Variants in CNBD1 observed in about 807,000 individuals in gnomAD.
CNBD1 encodes cyclic nucleotide binding domain containing 1, also known as cyclic nucleotide-binding domain-containing protein 1.
Under a neutral mutation model 54.4 loss-of-function variants are expected in CNBD1, and 71 were observed. The ratio of observed to expected loss-of-function variants is 1.30; its 90% confidence interval spans 1.08 to 1.59. The LOEUF (loss-of-function observed/expected upper bound fraction) is 1.59. Among genes scored for constraint, CNBD1 ranks in the 40% most tolerant of loss-of-function variants. The probability of loss-of-function intolerance (pLI) is 0.00; values close to 1 mark genes in which losing one functional copy is unlikely to be tolerated. For synonymous variants in CNBD1, 182 were observed against 170.7 expected (o/e 1.07, Z -0.51); for missense variants, 659 against 518.0 (o/e 1.27, Z -2.64).
chr8:87,387,333 C>A (rs1055656013), downstream of CNBD1, among the ~76,000 whole-genome samples: 1 of 151,864 alleles, frequency 6.6e-6, no homozygotes, highest in Non-Finnish European at 1.5e-5. Context: ...GAGCCAAGAC[C>A]CATCAATGTG....
intron 4 of CNBD1, among the ~76,000 whole-genome samples, chr8:87,178,032 T>C (rs1410649385): frequency 1.3e-5 from 2 of 152,162 alleles, no homozygotes; most frequent in Admixed American, 1.3e-4. Context: ...TTAAAAGCAA[T>C]GTGGAGGAAC....
chr8:87,202,610 T>C (rs1813886797), intron 4 of CNBD1, among the ~76,000 whole-genome samples: 2 of 152,178 alleles, frequency 1.3e-5, no homozygotes, highest in African/African-American at 2.4e-5. Flanking sequence ...AGATTAGTAC[T>C]AACATAATGG....
At chr8:87,154,097 A>G (rs1222833536) in intron 4 of CNBD1, among the ~76,000 whole-genome samples, 1 of 152,160 alleles carries the variant, frequency 6.6e-6, no homozygotes, top group Non-Finnish European at 1.5e-5. Context: ...GTCCAAGTGC[A>G]TTCGTCTTTC....
intron 8 of CNBD1, among the ~76,000 whole-genome samples, chr8:87,350,022 C>G (rs952890362): frequency 6.6e-6 from 1 of 152,144 alleles, no homozygotes; most frequent in Non-Finnish European, 1.5e-5. Flanking sequence ...TTCTTTGGTA[C>G]ATGTTTAAGT....
chr8:87,367,495 G>C (rs937612685), intron 10 of CNBD1, among the ~76,000 whole-genome samples: 2 of 152,002 alleles, frequency 1.3e-5, no homozygotes, highest in African/African-American at 4.8e-5. Context: ...CAACATTTCA[G>C]TGTGCATGAA....
At chr8:87,264,154 C>A (rs577610382) in intron 6 of CNBD1, among the ~76,000 whole-genome samples, 4 of 152,146 alleles carry the variant, frequency 2.6e-5, no homozygotes, top group African/African-American at 7.2e-5. Context: ...CCTCTCCCCC[C>A]ACCCCACAAC....
chr8:87,426,387 G>A (rs1036207173), intron 2 of CNBD1, among the ~76,000 whole-genome samples: 7 of 152,118 alleles, frequency 4.6e-5, no homozygotes, highest in Admixed American at 6.5e-5. Flanking sequence ...CATCATGATC[G>A]GAGTAATGTA....
chr8:87,194,993 C>T (rs1205163775), intron 4 of CNBD1, among the ~76,000 whole-genome samples: 2 of 151,996 alleles, frequency 1.3e-5, no homozygotes, highest in Non-Finnish European at 2.9e-5. Flanking sequence ...AAGCAATTCT[C>T]TTGCCTCAGC....
intron 8 of CNBD1, among the ~76,000 whole-genome samples, chr8:87,322,270 G>A (rs1415774897): frequency 3.2e-5 from 4 of 123,918 alleles, no homozygotes. Context: ...ACATACGTGT[G>A]CATGTGTCTT....
intron 5 of CNBD1, among the ~76,000 whole-genome samples, chr8:87,218,815 G>T (rs1644441131): frequency 1.3e-5 from 2 of 151,812 alleles, no homozygotes; most frequent in African/African-American, 4.8e-5. Flanking sequence ...AAAATATATA[G>T]AATTTCACAG....
chr8:87,152,725 A>G (rs961673578), intron 4 of CNBD1, among the ~76,000 whole-genome samples: 30 of 152,152 alleles, frequency 2.0e-4, no homozygotes, highest in African/African-American at 6.8e-4. Flanking sequence ...TGGGATTTCT[A>G]TTATTTTTAT....
chr8:87,128,856 G>T (rs1270306643), intron 4 of CNBD1, among the ~76,000 whole-genome samples: 5 of 150,304 alleles, frequency 3.3e-5, no homozygotes, highest in East Asian at 2.0e-4. Context: ...GGCTGAGGTG[G>T]GTGGATCATG....
chr8:87,377,872 G>C (rs1810984276), intron 10 of CNBD1, among the ~76,000 whole-genome samples: 1 of 151,448 alleles, frequency 6.6e-6, no homozygotes, highest in Non-Finnish European at 1.5e-5. Context: ...ATATCTCACT[G>C]TGGTTTCGAT....
At chr8:86,983,525 A>C (rs1223481534) in intron 4 of CNBD1, among the ~76,000 whole-genome samples, 1 of 152,214 alleles carries the variant, frequency 6.6e-6, no homozygotes, top group Non-Finnish European at 1.5e-5. Flanking sequence ...GAAAGTTTGG[A>C]ACTTCCTAAA....
At chr8:87,235,840 A>G (rs1807574346) in intron 5 of CNBD1, among the ~76,000 whole-genome samples, 1 of 152,162 alleles carries the variant, frequency 6.6e-6, no homozygotes, top group Admixed American at 6.6e-5. Flanking sequence ...AAGCACTGAA[A>G]AGCAAAGCAC....
intron 10 of CNBD1, among the ~76,000 whole-genome samples, chr8:87,370,483 G>C (rs887035851): frequency 1.3e-5 from 2 of 152,166 alleles, no homozygotes; most frequent in South Asian, 2.1e-4. Context: ...GCCAGTGATG[G>C]TGCGCATTTT....
chr8:87,300,557 A>C (rs1161995700), intron 8 of CNBD1, among the ~76,000 whole-genome samples: 5 of 152,196 alleles, frequency 3.3e-5, no homozygotes. Flanking sequence ...AGACATTAGA[A>C]AATCATATAA....
intron 4 of CNBD1, among the ~76,000 whole-genome samples, chr8:87,171,073 A>T (rs919719491): frequency 6.6e-6 from 1 of 152,064 alleles, no homozygotes; most frequent in Non-Finnish European, 1.5e-5. Flanking sequence ...ATTTTTTGTA[A>T]TAGTTTGAGT....
At chr8:86,990,432 C>A in intron 4 of CNBD1, among the ~76,000 whole-genome samples, 1 of 152,000 alleles carries the variant, frequency 6.6e-6, no homozygotes, top group East Asian at 1.9e-4. Flanking sequence ...TTCCCAATAC[C>A]TTTTATTGAA....
Sources: allele counts gnomAD v4.1 joint callset (sites outside exome capture counted in the v4.1 genomes callset), GRCh38; gene constraint gnomAD v4.1.1; transcripts MANE v1.5; gene names NCBI Gene and HGNC (gene_info 2026-07-23, HGNC 2026-07-21).